The following CHIC1 variants were observed in gnomAD, a reference collection of about 807,000 sequenced individuals.
The protein encoded by CHIC1 is cysteine-rich hydrophobic domain-containing protein 1.
In CHIC1, 7 loss-of-function variants were observed where a neutral mutation model predicts 18.5. The observed-to-expected ratio is 0.38, with a 90% CI of 0.22 to 0.71. CHIC1 has a LOEUF of 0.71. Among genes scored for constraint, CHIC1 ranks in the 30% least tolerant of loss-of-function variants. The pLI is 0.49. For synonymous variants in CHIC1, 77 were observed against 73.5 expected (o/e 1.05, Z -0.25); for missense variants, 159 against 176.9 (o/e 0.90, Z 0.57).
chrX:73,651,583 C>T (rs529006671), intron 3 of CHIC1, among the ~76,000 whole-genome samples: 2 of 110,645 alleles, frequency 1.8e-5, no homozygotes, highest in South Asian at 7.7e-4. Flanking sequence ...TATACATCAA[C>T]AATAGACAAG....
rs191300128 is a variant in CHIC1 at position 73,604,579 on chromosome X, T to C, written c.507+20007T>C. ...ATTTGTTTGCTCTTGTTTCTGTAGTTCTTTTAATTGTGATTTTAGGGTATG... is the reference window on the plus strand; with the variant it reads ...ATTTGTTTGCTCTTGTTTCTGTAGTCCTTTTAATTGTGATTTTAGGGTATG... On this transcript the variant is annotated intron_variant, in intron 3 of 5. Coordinates refer to ENST00000373502, the MANE Select transcript of CHIC1 (RefSeq NM_001039840.4). 3.7e-5 allele frequency among the ~76,000 whole-genome samples: 4 copies of C among 108,863 alleles called. No individual in the cohort carries two copies. The East Asian group carries it at 1.1e-3, about 30-fold the overall frequency. 94.5% of individuals were successfully genotyped at this position (108,863 alleles called of 115,157 possible).
intron 3 of CHIC1, among the ~76,000 whole-genome samples, chrX:73,610,100 G>A: frequency 9.2e-6 from 1 of 108,691 alleles, no homozygotes. Context: ...TGAAATCAAT[G>A]TTTTTAGCTC....
At chrX:73,633,821 T>C (rs2057819349) in intron 3 of CHIC1, among the ~76,000 whole-genome samples, 1 of 111,271 alleles carries the variant, frequency 9.0e-6, no homozygotes, top group Non-Finnish European at 1.9e-5. Context: ...AGTCAGACAT[T>C]GGTGGTCTTT....
chrX:73,684,668 T>C lies in CHIC1; in HGVS notation c.*3663T>C, dbSNP rs2058113820. The C allele has an allele frequency of 9.0e-6, 1 of 111,566 alleles. No individual in the cohort carries two copies. Among genetic ancestry groups the C allele is most frequent in the Non-Finnish European group, 1.9e-5 (1 of 52,888 alleles). The allele number at this position is 111,566 out of a possible 1,213,427, so 9.2% of individuals were successfully genotyped here. A position where few individuals can be genotyped will look rare whatever the true frequency, so the allele number is the denominator to read the frequency against. On this transcript the variant is annotated 3_prime_UTR_variant, in exon 6 of 6. Coordinates refer to ENST00000373502, the MANE Select transcript of CHIC1 (RefSeq NM_001039840.4). The stretch of plus-strand genomic sequence containing the variant: ...GCTCAAATTTATTGAAATTAGATTC[T>C]CATGCCTATAAAAGTATACTTTAAA...
intron 3 of CHIC1, among the ~76,000 whole-genome samples, chrX:73,619,192 A>G (rs12847108): frequency 0.15 from 16,442 of 110,365 alleles, 1,000 homozygotes; most frequent in Non-Finnish European, 0.16. Context: ...ACTTCCTTCA[A>G]AGGGTCTATG....
chrX:73,637,919 G>A (rs2057838414), intron 3 of CHIC1, among the ~76,000 whole-genome samples: 1 of 110,572 alleles, frequency 9.0e-6, no homozygotes, highest in African/African-American at 3.3e-5. Flanking sequence ...TTGTTTTCTT[G>A]TATGCCCTGT....
intron 3 of CHIC1, among the ~76,000 whole-genome samples, chrX:73,646,372 G>T (rs1278799240): frequency 9.0e-6 from 1 of 111,700 alleles, no homozygotes; most frequent in African/African-American, 3.3e-5. Flanking sequence ...AGACTGTTTT[G>T]GCTATTTGCA....
chrX:73,680,774 A>C (rs2058095047), intron 5 of CHIC1, among the ~76,000 whole-genome samples, 181 bp from the exon 6 acceptor site: 1 of 111,330 alleles, frequency 9.0e-6, no homozygotes, highest in African/African-American at 3.2e-5. Context: ...TTAAATTGCC[A>C]ATCTAATAAC....
chrX:73,622,711 T>G (rs2057765886), intron 3 of CHIC1, among the ~76,000 whole-genome samples: 1 of 112,004 alleles, frequency 8.9e-6, no homozygotes, highest in African/African-American at 3.2e-5. Flanking sequence ...TTCTTAGTTA[T>G]TTCTTGTCTT....
At chrX:73,645,653 G>T (rs1285937678) in intron 3 of CHIC1, among the ~76,000 whole-genome samples, 1 of 111,675 alleles carries the variant, frequency 9.0e-6, no homozygotes, top group African/African-American at 3.3e-5. Flanking sequence ...GAATTGCCCT[G>T]ATGATTAGTG....
chrX:73,666,668 T>A (rs1447305888), intron 3 of CHIC1, among the ~76,000 whole-genome samples: 1 of 112,206 alleles, frequency 8.9e-6, no homozygotes, highest in Non-Finnish European at 1.9e-5. Flanking sequence ...CACAGTGGTT[T>A]TGAGTGAATT....
intron 3 of CHIC1, among the ~76,000 whole-genome samples, chrX:73,645,150 T>C (rs1280125870): frequency 8.9e-6 from 1 of 112,580 alleles, no homozygotes. Context: ...ATTCCACATA[T>C]AAGTGAGATC....
At chrX:73,573,686 G>A (rs2484262) in intron 1 of CHIC1, among the ~76,000 whole-genome samples, 4,327 of 110,328 alleles carry the variant, frequency 0.039, 240 homozygotes, top group African/African-American at 0.14. Flanking sequence ...TTTTGTTTTG[G>A]CTATTGTAAA....
chrX:73,657,268 G>T (rs1363841488), intron 3 of CHIC1, among the ~76,000 whole-genome samples: 3 of 109,813 alleles, frequency 2.7e-5, no homozygotes, highest in African/African-American at 6.6e-5. Context: ...CACCATGTCA[G>T]CCAGGATGGT....
intron 3 of CHIC1, among the ~76,000 whole-genome samples, chrX:73,614,866 A>G (rs2066892059): frequency 9.1e-6 from 1 of 109,999 alleles, no homozygotes; most frequent in African/African-American, 3.3e-5. Context: ...CCAAGTTTTT[A>G]TAAATTTCTT....
At chrX:73,601,310 G>A (rs1260249669) in intron 3 of CHIC1, among the ~76,000 whole-genome samples, 2 of 105,375 alleles carry the variant, frequency 1.9e-5, no homozygotes, top group Admixed American at 1.0e-4. Flanking sequence ...ATACTTGGAA[G>A]TAAAGCTCTC....
intron 3 of CHIC1, among the ~76,000 whole-genome samples, chrX:73,598,866 C>G (rs1392071917): frequency 1.8e-5 from 2 of 109,401 alleles, no homozygotes; most frequent in African/African-American, 3.3e-5. Flanking sequence ...ATGGCTGGGT[C>G]AAATGGTATT....
intron 3 of CHIC1, among the ~76,000 whole-genome samples, chrX:73,642,744 GC>G (rs1317910115): frequency 9.1e-6 from 1 of 110,497 alleles, no homozygotes; most frequent in Non-Finnish European, 1.9e-5. Flanking sequence ...CATATGGCTA[GC>G]CAGTTTTCCC....
intron 3 of CHIC1, among the ~76,000 whole-genome samples, chrX:73,660,599 G>A (rs997774762): frequency 2.7e-5 from 3 of 111,939 alleles, no homozygotes; most frequent in Non-Finnish European, 3.8e-5. Context: ...AGCCTCCAGA[G>A]TTGTCTTCTT....
Sources: allele counts gnomAD v4.1 joint callset (sites outside exome capture counted in the v4.1 genomes callset), GRCh38; gene constraint gnomAD v4.1.1; transcripts MANE v1.5; gene names NCBI Gene and HGNC (gene_info 2026-07-23, HGNC 2026-07-21).